PTBP2: variants seen among roughly 807,000 people sequenced by gnomAD.
The protein encoded by PTBP2 is polypyrimidine tract binding protein 2.
In PTBP2, 13 loss-of-function variants were observed where a neutral mutation model predicts 61.4. The observed-to-expected ratio is 0.21, with a 90% CI of 0.14 to 0.34. The LOEUF is 0.34. PTBP2 is among the 10% of genes least tolerant of loss of function. The probability of loss-of-function intolerance (pLI) is 1.00; values close to 1 mark genes in which losing one functional copy is unlikely to be tolerated. For missense variants in PTBP2, 405 were observed against 642.6 expected (o/e 0.63, Z 4.00); for synonymous variants, 215 against 218.5 (o/e 0.98, Z 0.14).
At chr1:96,773,033 A>G (rs555171865) in intron 5 of PTBP2, among the ~76,000 whole-genome samples, 1 of 150,212 alleles carries the variant, frequency 6.7e-6, no homozygotes, top group African/African-American at 2.4e-5. Flanking sequence ...GAGGCAAGAG[A>G]GAATTGCTTG....
At chr1:96,725,035 T>A (rs1557678643) in intron 2 of PTBP2, among the ~76,000 whole-genome samples, 1 of 152,178 alleles carries the variant, frequency 6.6e-6, no homozygotes, top group Non-Finnish European at 1.5e-5. Context: ...AATAATACGC[T>A]CTTTTTGGTG....
At chr1:96,758,509 T>G (rs1343899642) in intron 3 of PTBP2, among the ~76,000 whole-genome samples, 1 of 152,092 alleles carries the variant, frequency 6.6e-6, no homozygotes, top group African/African-American at 2.4e-5. Context: ...AAAATGTTGG[T>G]AAATCACCTC....
intron 7 of PTBP2, among the ~76,000 whole-genome samples, chr1:96,779,911 G>A (rs1389988713): frequency 2.6e-5 from 4 of 151,910 alleles, no homozygotes; most frequent in African/African-American, 7.2e-5. Context: ...ATCCATCAAC[G>A]TCAACTACAA....
In PTBP2 at chr1:96,751,480, T is replaced by G. The variant is rs1387596374; in HGVS notation, c.95T>G (p.Met32Arg). 35 of 1,612,712 alleles carry G rather than the reference T, an allele frequency of 2.2e-5. No individual in the cohort carries two copies. The highest frequency in any genetic ancestry group is 2.7e-5 in the Non-Finnish European group (32 of 1,179,052). Residue 32 changes from methionine (M) to arginine (R), a missense_variant, in exon 3 of 14, where the codon ATG becomes AGG. Transcript: ENST00000674951. ...GSVLSSPNSN[M>R]SSMVVTANGN... Reference sequence around the variant, plus strand: ...GTTCTCAGTAGTCCGAACTCTAATATGAGCAGCATGGTAGTTACAGGTAAG... The same window carrying G: ...GTTCTCAGTAGTCCGAACTCTAATAGGAGCAGCATGGTAGTTACAGGTAAG...
intron 8 of PTBP2, among the ~76,000 whole-genome samples, chr1:96,792,785 C>T (rs906095570): frequency 1.3e-5 from 2 of 151,948 alleles, no homozygotes; most frequent in Admixed American, 6.6e-5. Context: ...ACAAACAACA[C>T]GTTAAAATTT....
At chr1:96,801,051 G>T in intron 8 of PTBP2, among the ~76,000 whole-genome samples, 1 of 152,112 alleles carries the variant, frequency 6.6e-6, no homozygotes, top group Non-Finnish European at 1.5e-5. Flanking sequence ...CGGTAGGGTT[G>T]TATCTCAAGA....
intron 5 of PTBP2, among the ~76,000 whole-genome samples, chr1:96,776,293 C>T (rs61786400): frequency 0.079 from 12,071 of 151,874 alleles, 608 homozygotes; most frequent in East Asian, 0.17. Flanking sequence ...ATAGATACTG[C>T]TCTATAAAAC....
intron 5 of PTBP2, chr1:96,771,169 C>A: frequency 6.1e-6 from 1 of 164,184 alleles, no homozygotes; most frequent in Non-Finnish European, 1.3e-5. Flanking sequence ...AAGTTCAGTG[C>A]CTTTGGTTAT....
chr1:96,746,913 CCCTTCCTTCCTTCCTTCCTTCCTT>C (rs1214485803), intron 2 of PTBP2, among the ~76,000 whole-genome samples: 1 of 29,524 alleles, frequency 3.4e-5, no homozygotes. Context: ...CTCCCTCCCT[CCCTTCCTTCCTTCCTTCCTTCCTT>C]CCTTCCTACT....
At chr1:96,812,444 C>T (rs1045954883) in intron 11 of PTBP2, among the ~76,000 whole-genome samples, 4 of 152,260 alleles carry the variant, frequency 2.6e-5, no homozygotes, top group Admixed American at 6.5e-5. Context: ...GTGTAGCTCA[C>T]TATACGATTT....
rs563534362 is a variant in PTBP2 at position 96,748,854 on chromosome 1, C to T, written c.40-2571C>T. ...CTGTCAGTTAATGTGGTAATGTTAA[C>T]ATTTATCAGTAGTGCTGAATCACTT... On this transcript the variant is annotated intron_variant, in intron 2 of 13. Transcript: ENST00000674951. 6.9e-4 allele frequency among the ~76,000 whole-genome samples: 105 copies of T among 152,184 alleles called. 2 individuals carry two copies. Among genetic ancestry groups the T allele is most frequent in the Admixed American group, 6.7e-3 (102 of 15,282 alleles).
At chr1:96,726,582 C>T (rs1406127019) in intron 2 of PTBP2, among the ~76,000 whole-genome samples, 8 of 152,088 alleles carry the variant, frequency 5.3e-5, no homozygotes, top group African/African-American at 1.4e-4. Flanking sequence ...GGACTACAGG[C>T]GCCTGCCACC....
At chr1:96,746,922 C>T (rs1432504307) in intron 2 of PTBP2, among the ~76,000 whole-genome samples, 1 of 33,690 alleles carries the variant, frequency 3.0e-5, no homozygotes, top group Non-Finnish European at 5.8e-5. Flanking sequence ...TCCCTTCCTT[C>T]CTTCCTTCCT....
intron 2 of PTBP2, among the ~76,000 whole-genome samples, chr1:96,727,496 A>G (rs1650741333): frequency 6.6e-6 from 1 of 152,192 alleles, no homozygotes; most frequent in African/African-American, 2.4e-5. Flanking sequence ...TAGTTGTACC[A>G]TCTTACATTG....
chr1:96,791,161 T>A (rs1659750010), intron 8 of PTBP2, among the ~76,000 whole-genome samples: 1 of 152,156 alleles, frequency 6.6e-6, no homozygotes, highest in East Asian at 1.9e-4. Context: ...TTAAAAAAAA[T>A]CTTTTGTGAA....
chr1:96,791,205 TAC>T (rs1355596171), intron 8 of PTBP2, among the ~76,000 whole-genome samples: 1 of 152,200 alleles, frequency 6.6e-6, no homozygotes, highest in African/African-American at 2.4e-5. Flanking sequence ...TTGCATTTCA[TAC>T]ACAGTGATGA....
chr1:96,750,084 G>A (rs1490971907), intron 2 of PTBP2, among the ~76,000 whole-genome samples: 1 of 151,764 alleles, frequency 6.6e-6, no homozygotes, highest in African/African-American at 2.4e-5. Flanking sequence ...TTAAACCTGG[G>A]GTTTTTAGAT....
intron 1 of PTBP2, 57 bp from the exon 2 acceptor site, chr1:96,723,507 A>G: frequency 1.4e-6 from 2 of 1,478,174 alleles, no homozygotes; most frequent in Non-Finnish European, 1.9e-6. Context: ...TTAGAGCCAA[A>G]GAGTGAGTGA....
chr1:96,790,968 G>A (rs534032764), intron 8 of PTBP2, among the ~76,000 whole-genome samples: 4 of 151,724 alleles, frequency 2.6e-5, no homozygotes, highest in Admixed American at 6.6e-5. Context: ...GTATTTTATC[G>A]GTAAATACCA....
Sources: gnomAD v4.1 joint callset for allele counts (sites outside exome capture counted in the v4.1 genomes callset) on GRCh38, gnomAD v4.1.1 for gene constraint, MANE v1.5 for transcripts, NCBI Gene and HGNC (gene_info 2026-07-23, HGNC 2026-07-21) for gene names.